Variants in CNGB3 observed in about 807,000 individuals in gnomAD.
CNGB3 encodes the protein cyclic nucleotide gated channel subunit beta 3, also known as cyclic nucleotide-gated channel beta-3.
CNGB3 carries 86 observed loss-of-function variants against 92.8 expected under a neutral mutation model. The observed-to-expected ratio is 0.93, with a 90% CI of 0.78 to 1.11. The LOEUF is 1.11. Among genes scored for constraint, CNGB3 ranks in the 50% least tolerant of loss-of-function variants. The probability of loss-of-function intolerance (pLI) is 0.00; values close to 1 mark genes in which losing one functional copy is unlikely to be tolerated. For missense variants in CNGB3, 1,026 were observed against 956.8 expected (o/e 1.07, Z -0.95); for synonymous variants, 333 against 332.7 (o/e 1.00, Z -0.01).
chr8:86,734,034 A>G (rs560886552), intron 2 of CNGB3, among the ~76,000 whole-genome samples: 1 of 152,104 alleles, frequency 6.6e-6, no homozygotes, highest in South Asian at 2.1e-4. Flanking sequence ...TGCTCAGCTA[A>G]TTAAAAAAAT....
chr8:86,667,794 G>A (rs1301981449), intron 5 of CNGB3, among the ~76,000 whole-genome samples: 2 of 152,212 alleles, frequency 1.3e-5, no homozygotes, highest in African/African-American at 4.8e-5. Context: ...TTAGGGGCAG[G>A]AGAGGATCTG....
chr8:86,683,304 C>G (rs1027503706), intron 3 of CNGB3, among the ~76,000 whole-genome samples: 1 of 152,098 alleles, frequency 6.6e-6, no homozygotes, highest in Non-Finnish European at 1.5e-5. Flanking sequence ...GGAAGATACA[C>G]TGAGTTGGTC....
intron 3 of CNGB3, among the ~76,000 whole-genome samples, chr8:86,702,867 A>T (rs1030883865): frequency 4.0e-5 from 6 of 151,878 alleles, no homozygotes; most frequent in South Asian, 2.1e-4. Flanking sequence ...TCTATTTTTT[A>T]AAATAGGAGA....
At chr8:86,658,385 G>T in intron 6 of CNGB3, 1 of 439,980 alleles carries the variant, frequency 2.3e-6, no homozygotes, top group Non-Finnish European at 4.3e-6. Context: ...GAGCCATGAG[G>T]GTCAGCTGGG....
chr8:86,642,111 A>G (rs1193331866), intron 10 of CNGB3, among the ~76,000 whole-genome samples: 1 of 151,642 alleles, frequency 6.6e-6, no homozygotes, highest in Non-Finnish European at 1.5e-5. Flanking sequence ...TGAGCTTAAC[A>G]CTGGGAACAA....
At chr8:86,582,224 T>A (rs911924520) in intron 15 of CNGB3, among the ~76,000 whole-genome samples, 2 of 151,936 alleles carry the variant, frequency 1.3e-5, no homozygotes, top group African/African-American at 4.8e-5. Flanking sequence ...TCAAACCCCA[T>A]CTCCACTAAA....
intron 3 of CNGB3, among the ~76,000 whole-genome samples, chr8:86,687,678 T>A (rs1824216712): frequency 6.6e-6 from 1 of 152,058 alleles, no homozygotes; most frequent in Non-Finnish European, 1.5e-5. Context: ...CTTTGGTTAA[T>A]TGTGTGTTAT....
rs1585940686 is a variant in CNGB3, at chr8:86,575,591, A to G, written c.*213T>C. On this transcript the variant is annotated 3_prime_UTR_variant, in exon 18 of 18. Coordinates refer to ENST00000320005, the MANE Select transcript of CNGB3 (RefSeq NM_019098.5). ...AAGATATAGCAATTGCATAAAGTTAATGAAAACGGAGAATAGGGATGGCTT... is the reference window on the plus strand; with the variant it reads ...AAGATATAGCAATTGCATAAAGTTAGTGAAAACGGAGAATAGGGATGGCTT... The G allele has an allele frequency of 2.0e-6, 1 of 504,532 alleles. No individual in the cohort carries two copies. Among genetic ancestry groups the G allele is most frequent in the East Asian group, 3.1e-5 (1 of 31,908 alleles). 31.3% of individuals were successfully genotyped at this position (504,532 alleles called of 1,614,324 possible).
chr8:86,578,119 C>T (rs969312098), intron 17 of CNGB3, among the ~76,000 whole-genome samples: 3 of 152,058 alleles, frequency 2.0e-5, no homozygotes, highest in African/African-American at 7.2e-5. Flanking sequence ...CCGTGTTAGT[C>T]AGAATGGTCT....
intron 3 of CNGB3, among the ~76,000 whole-genome samples, chr8:86,725,991 T>C (rs1393729185): frequency 1.3e-5 from 2 of 152,196 alleles, no homozygotes; most frequent in East Asian, 3.8e-4. Flanking sequence ...TTATCTCTTT[T>C]GCAGTATTTC....
intron 3 of CNGB3, among the ~76,000 whole-genome samples, chr8:86,698,840 A>T (rs912534116): frequency 6.6e-6 from 1 of 152,188 alleles, no homozygotes; most frequent in Non-Finnish European, 1.5e-5. Flanking sequence ...GATAGATTCT[A>T]TTTCACAATT....
At chr8:86,715,335 T>C (rs992633898) in intron 3 of CNGB3, among the ~76,000 whole-genome samples, 1 of 152,106 alleles carries the variant, frequency 6.6e-6, no homozygotes, top group African/African-American at 2.4e-5. Context: ...TTGGTATCCA[T>C]GGCTGAGAGA....
chr8:86,606,538 C>A (rs940705571), intron 14 of CNGB3, among the ~76,000 whole-genome samples: 2 of 152,154 alleles, frequency 1.3e-5, no homozygotes. Flanking sequence ...TATTTACATA[C>A]TATTAATGCT....
intron 15 of CNGB3, among the ~76,000 whole-genome samples, chr8:86,580,696 A>T (rs1050973404): frequency 1.3e-5 from 2 of 152,254 alleles, no homozygotes; most frequent in Non-Finnish European, 2.9e-5. Context: ...AAGATAAATG[A>T]ATAAAAAGTC....
chr8:86,712,432 T>G (rs1270898178), intron 3 of CNGB3, among the ~76,000 whole-genome samples: 1 of 152,164 alleles, frequency 6.6e-6, no homozygotes, highest in East Asian at 1.9e-4. Flanking sequence ...TATTTTACAT[T>G]TAAATCTCTG....
At chr8:86,583,653 C>T (rs1446871771) in intron 15 of CNGB3, among the ~76,000 whole-genome samples, 12 of 152,024 alleles carry the variant, frequency 7.9e-5, no homozygotes, top group Non-Finnish European at 1.8e-4. Flanking sequence ...GGCAAGGTGA[C>T]TCACGCATGT....
chr8:86,704,624 A>G (rs1415921460), intron 3 of CNGB3, among the ~76,000 whole-genome samples: 1 of 152,174 alleles, frequency 6.6e-6, no homozygotes, highest in Admixed American at 6.5e-5. Context: ...ACTGATTGGC[A>G]CTTGGTCCAC....
chr8:86,720,794 A>C (rs1824951753), intron 3 of CNGB3, among the ~76,000 whole-genome samples: 1 of 150,418 alleles, frequency 6.6e-6, no homozygotes, highest in Non-Finnish European at 1.5e-5. Flanking sequence ...ATATATCACA[A>C]CTTATATATA....
chr8:86,576,224 C>T (rs1821659765), intron 17 of CNGB3, 94 bp from the exon 18 acceptor site: 2 of 1,258,216 alleles, frequency 1.6e-6, no homozygotes, highest in Admixed American at 1.9e-5. Context: ...AGATCACCAC[C>T]AAGACAGACT....
Sources: allele counts gnomAD v4.1 joint callset (sites outside exome capture counted in the v4.1 genomes callset), GRCh38; gene constraint gnomAD v4.1.1; transcripts MANE v1.5; gene names NCBI Gene and HGNC (gene_info 2026-07-23, HGNC 2026-07-21).